Variants in HDAC9 observed in about 807,000 individuals in gnomAD.
HDAC9 encodes the protein histone deacetylase 9, also known as MEF-2 interacting transcription repressor (MITR) protein.
HDAC9 carries 41 observed loss-of-function variants against 139.4 expected under a neutral mutation model. The ratio of observed to expected loss-of-function variants is 0.29; its 90% CI spans 0.23 to 0.38. The LOEUF (loss-of-function observed/expected upper bound fraction) is 0.38. Ranked by LOEUF, HDAC9 falls within the 10% of genes least tolerant of loss-of-function variation. The probability of loss-of-function intolerance (pLI) is 1.00; values close to 1 mark genes in which losing one functional copy is unlikely to be tolerated. For synonymous variants in HDAC9, 517 were observed against 476.2 expected (o/e 1.09, Z -1.12); for missense variants, 1,147 against 1,297.0 (o/e 0.88, Z 1.78).
chr7:18,371,773 A>G (rs115419505), intron 1 of HDAC9, among the ~76,000 whole-genome samples: 1,553 of 152,282 alleles, frequency 0.01, 29 homozygotes, highest in African/African-American at 0.035. Flanking sequence ...AAGGACATCA[A>G]TTTCCACTGA....
intron 22 of HDAC9, chr7:18,899,517 C>T (rs937018557): frequency 2.0e-5 from 3 of 151,732 alleles, no homozygotes; most frequent in Non-Finnish European, 2.9e-5. Flanking sequence ...TTAAATAGAT[C>T]GTACTTCAAA....
chr7:18,496,437 G>A (rs1449624475), intron 2 of HDAC9, 113 bp downstream of exon 2: 20 of 900,834 alleles, frequency 2.2e-5, no homozygotes, highest in Non-Finnish European at 3.5e-5. Flanking sequence ...TCGTGTTGAT[G>A]TTGCTATTTT....
At chr7:18,366,467 C>A (rs755065123) in intron 1 of HDAC9, among the ~76,000 whole-genome samples, 23 of 152,130 alleles carry the variant, frequency 1.5e-4, no homozygotes, top group Non-Finnish European at 3.1e-4. Context: ...TAATGCCAAT[C>A]AAGACTTGTG....
At chr7:18,729,710 T>C (rs1785870628) in intron 13 of HDAC9, among the ~76,000 whole-genome samples, 1 of 152,152 alleles carries the variant, frequency 6.6e-6, no homozygotes, top group Admixed American at 6.5e-5. Context: ...AACATTTTAG[T>C]ATTTATCAAA....
At chr7:18,904,410 T>C (rs1563041857) in intron 22 of HDAC9, among the ~76,000 whole-genome samples, 1 of 152,080 alleles carries the variant, frequency 6.6e-6, no homozygotes, top group African/African-American at 2.4e-5. Context: ...TGCTCTCAAA[T>C]CTCATAAAAG....
intron 24 of HDAC9, among the ~76,000 whole-genome samples, chr7:18,957,807 G>C (rs146059753): frequency 0.016 from 2,422 of 152,204 alleles, 33 homozygotes; most frequent in Middle Eastern, 0.044. Flanking sequence ...TTCAACTTTA[G>C]GGGGTGTTCA....
chr7:18,995,612 C>T (rs1342636297), intron 25 of HDAC9, among the ~76,000 whole-genome samples: 2 of 152,156 alleles, frequency 1.3e-5, no homozygotes, highest in Non-Finnish European at 2.9e-5. Context: ...AAACCAGAGC[C>T]CTAGTGAGTC....
intron 17 of HDAC9, among the ~76,000 whole-genome samples, chr7:18,822,292 A>G (rs1462465709): frequency 6.6e-6 from 1 of 152,108 alleles, no homozygotes; most frequent in African/African-American, 2.4e-5. Flanking sequence ...TAACATACAA[A>G]AAGACACCTT....
chr7:18,145,111 A>G (rs1167922954), intron 1 of HDAC9, among the ~76,000 whole-genome samples: 1 of 152,200 alleles, frequency 6.6e-6, no homozygotes, highest in African/African-American at 2.4e-5. Context: ...TATTCAGGTG[A>G]CATCCCTGAG....
At chr7:18,961,062 G>A (rs1448791887) in intron 24 of HDAC9, among the ~76,000 whole-genome samples, 1 of 151,960 alleles carries the variant, frequency 6.6e-6, no homozygotes, top group Non-Finnish European at 1.5e-5. Context: ...CTTTCTTTTT[G>A]TCCCCATCTA....
intron 1 of HDAC9, among the ~76,000 whole-genome samples, chr7:18,132,752 G>A (rs1281112126): frequency 6.6e-6 from 1 of 152,154 alleles, no homozygotes; most frequent in African/African-American, 2.4e-5. Flanking sequence ...TGAGGCCTTA[G>A]TTTTATTGTC....
At chr7:18,308,998 C>G (rs1585107024) in intron 1 of HDAC9, among the ~76,000 whole-genome samples, 1 of 152,134 alleles carries the variant, frequency 6.6e-6, no homozygotes, top group East Asian at 1.9e-4. Flanking sequence ...CGTGTCAACT[C>G]CAATTCCTTT....
At chr7:18,622,678 TATATGAA>T (rs1477081795) in intron 6 of HDAC9, among the ~76,000 whole-genome samples, 1 of 152,086 alleles carries the variant, frequency 6.6e-6, no homozygotes, top group Non-Finnish European at 1.5e-5. Context: ...ATCATCTTAA[TATATGAA>T]ATATGTTAAA....
intron 25 of HDAC9, among the ~76,000 whole-genome samples, chr7:18,981,821 G>C (rs886187479): frequency 7.2e-5 from 11 of 152,022 alleles, no homozygotes; most frequent in African/African-American, 2.7e-4. Flanking sequence ...ATATTCACAC[G>C]TTCCAAGGAT....
intron 22 of HDAC9, among the ~76,000 whole-genome samples, chr7:18,923,527 A>G (rs1176050155): frequency 6.6e-6 from 1 of 151,828 alleles, no homozygotes. Flanking sequence ...TGATCTCCCC[A>G]CCCTGAATCT....
intron 1 of HDAC9, among the ~76,000 whole-genome samples, chr7:18,116,926 T>G (rs1784029873): frequency 6.6e-6 from 1 of 152,224 alleles, no homozygotes; most frequent in Non-Finnish European, 1.5e-5. Flanking sequence ...ACTAATGAGC[T>G]TGGGAAGTAA....
intron 1 of HDAC9, among the ~76,000 whole-genome samples, chr7:18,485,913 C>T (rs532252457): frequency 6.6e-6 from 1 of 152,184 alleles, no homozygotes; most frequent in East Asian, 1.9e-4. Context: ...ATGTTATTGT[C>T]TTAGTCTGTT....
intron 25 of HDAC9, among the ~76,000 whole-genome samples, chr7:18,984,650 C>A (rs555493752): frequency 1.3e-5 from 2 of 151,882 alleles, no homozygotes; most frequent in African/African-American, 4.8e-5. Context: ...GAGTAGTTGG[C>A]AATTCATGAA....
At chr7:18,211,233 G>C (rs142387102) in intron 2 of HDAC9, among the ~76,000 whole-genome samples, 102 of 152,290 alleles carry the variant, frequency 6.7e-4, no homozygotes, top group Non-Finnish European at 1.3e-3. Flanking sequence ...CTTTGGGCTT[G>C]TATGAAGATC....
Sources: gnomAD v4.1 joint callset for allele counts (sites outside exome capture counted in the v4.1 genomes callset) on GRCh38, gnomAD v4.1.1 for gene constraint, MANE v1.5 for transcripts, NCBI Gene and HGNC (gene_info 2026-07-23, HGNC 2026-07-21) for gene names.